LZTFL1: variants seen among roughly 807,000 people sequenced by gnomAD.
The protein encoded by LZTFL1 is leucine zipper transcription factor like 1.
LZTFL1 carries 25 observed loss-of-function variants against 45.9 expected under a neutral mutation model. The observed-to-expected ratio is 0.54, with a 90% CI of 0.40 to 0.76. The LOEUF is 0.76. LZTFL1 is among the 30% of genes least tolerant of loss of function. The pLI, the probability that LZTFL1 is intolerant of heterozygous loss-of-function variation, is 0.00. For synonymous variants in LZTFL1, 93 were observed against 117.4 expected (o/e 0.79, Z 1.35); for missense variants, 277 against 331.1 (o/e 0.84, Z 1.27).
chr3:45,897,756 C>T (rs1200921020), intron 2 of LZTFL1: 4 of 609,896 alleles, frequency 6.6e-6, no homozygotes, highest in Non-Finnish European at 2.8e-6. Flanking sequence ...CCTCCCTTGC[C>T]TTCTTCTTTC....
intron 4 of LZTFL1, among the ~76,000 whole-genome samples, chr3:45,850,331 G>A (rs983023595): frequency 6.6e-6 from 1 of 152,126 alleles, no homozygotes; most frequent in Non-Finnish European, 1.5e-5. Flanking sequence ...GTGAGTCGAT[G>A]GAAGGACATG....
At chr3:45,853,428 C>T (rs1701337534) in intron 4 of LZTFL1, among the ~76,000 whole-genome samples, 1 of 152,096 alleles carries the variant, frequency 6.6e-6, no homozygotes, top group Non-Finnish European at 1.5e-5. Context: ...GATTATCATT[C>T]GTGGTTTACT....
Position 45,913,183 on chromosome 3 carries a change from A to G in LZTFL1, c.-272-6T>C, listed in dbSNP as rs1347783255. The G allele has an allele frequency of 4.6e-6, 7 of 1,524,488 alleles. No homozygotes were observed. In the African/African-American group the frequency reaches 9.6e-5, roughly 21 times the overall value. 94.4% of individuals were successfully genotyped at this position (1,524,488 alleles called of 1,614,324 possible). ...GGCTGACTTACAGCAAGAGCCTAGAAAATTATACAATTACACAAATTAAAC... is the reference window on the plus strand; with the variant it reads ...GGCTGACTTACAGCAAGAGCCTAGAGAATTATACAATTACACAAATTAAAC... On this transcript the variant is annotated splice_region_variant and splice_polypyrimidine_tract_variant and intron_variant, in intron 1 of 4. Transcript: ENST00000472635.
chr3:45,863,108 C>T lies in LZTFL1; in HGVS notation c.-214-4092G>A, dbSNP rs184815292. Among the ~76,000 whole-genome samples, 1,233 of 152,280 alleles carry T rather than the reference C, an allele frequency of 8.1e-3. 13 individuals carry two copies. Among genetic ancestry groups the T allele is most frequent in the Non-Finnish European group, 0.013 (907 of 68,030 alleles). On this transcript the variant is annotated intron_variant, in intron 2 of 4. Transcript: ENST00000472635. ...TCCATAATGATACTCAAAAAGAATA[C>T]TGCCAGAAGAAACTCATTCGAGGCA... is the stretch of plus-strand genomic sequence containing the variant.
At chr3:45,838,471 A>T (rs1701020331) in intron 1 of LZTFL1, among the ~76,000 whole-genome samples, 1 of 152,224 alleles carries the variant, frequency 6.6e-6, no homozygotes, top group East Asian at 1.9e-4. Context: ...AACTGAGATG[A>T]GCAGTGAGAT....
Position 45,838,126 on chromosome 3 carries a change from A to G in LZTFL1, c.4-75T>C, listed in dbSNP as rs1465297977. On this transcript the variant is annotated intron_variant, in intron 1 of 9. Transcript: ENST00000296135. Reference sequence around the variant, plus strand: ...AGAGCCAACAATGAAAATGCATAAGATATCCTGTGGTCGAGACTGCTAGAT... The same window carrying G: ...AGAGCCAACAATGAAAATGCATAAGGTATCCTGTGGTCGAGACTGCTAGAT... 4.1e-6 allele frequency: 6 copies of G among 1,469,632 alleles called. No individual in the cohort carries two copies. In the Admixed American group the frequency reaches 1.3e-4, roughly 31 times the overall value. 91.0% of individuals were successfully genotyped at this position (1,469,632 alleles called of 1,614,324 possible).
At chr3:45,912,036 C>T (rs1702804043) in intron 2 of LZTFL1, among the ~76,000 whole-genome samples, 1 of 152,282 alleles carries the variant, frequency 6.6e-6, no homozygotes, top group African/African-American at 2.4e-5. Flanking sequence ...GCAGCCACTG[C>T]TGTGTCCAGC....
intron 4 of LZTFL1, among the ~76,000 whole-genome samples, chr3:45,847,863 T>A (rs1433915409): frequency 6.6e-6 from 1 of 152,208 alleles, no homozygotes; most frequent in Non-Finnish European, 1.5e-5. Context: ...TGTGGTATCT[T>A]TTTTCCCAGA....
chr3:45,901,401 G>A lies in LZTFL1; in HGVS notation c.-215+11719C>T, dbSNP rs201973846. 90 of 1,614,192 alleles carry A rather than the reference G, an allele frequency of 5.6e-5. No homozygotes were observed. The highest frequency in any genetic ancestry group is 2.8e-4 in the Admixed American group (17 of 60,026). The stretch of plus-strand genomic sequence containing the variant: ...TATCTGCACCATGGTTTACCCTAGC[G>A]ATGAGAGCACCAAACTGAAGTCAGC... On this transcript the variant is annotated intron_variant, in intron 2 of 4. Coordinates refer to the LZTFL1 transcript ENST00000472635. This position sits in a 1 kb window ranked among gnomAD's most constrained non-coding sequence, Gnocchi z 4.3.
At chr3:45,895,881 G>A (rs1702337209) in intron 2 of LZTFL1, among the ~76,000 whole-genome samples, 1 of 152,108 alleles carries the variant, frequency 6.6e-6, no homozygotes, top group Non-Finnish European at 1.5e-5. Context: ...TCTTCTCCAA[G>A]GGAAAGCCTG....
chr3:45,911,450 G>T (rs975590572), intron 2 of LZTFL1, among the ~76,000 whole-genome samples: 1 of 152,236 alleles, frequency 6.6e-6, no homozygotes, highest in Non-Finnish European at 1.5e-5. Context: ...TAAGTGACTT[G>T]TCCCAAGCCA....
At chr3:45,881,541 CA>C (rs1234445180) in intron 2 of LZTFL1, among the ~76,000 whole-genome samples, 2 of 152,168 alleles carry the variant, frequency 1.3e-5, no homozygotes, top group Non-Finnish European at 2.9e-5. Context: ...TCCTAGCTGA[CA>C]CCGCGACCTT....
intron 7 of LZTFL1, 64 bp downstream of exon 7, chr3:45,830,849 A>T: frequency 6.9e-7 from 1 of 1,452,662 alleles, no homozygotes; most frequent in Non-Finnish European, 9.6e-7. Context: ...CTAAGACTTA[A>T]TTTTAAGTTT....
intron 1 of LZTFL1, among the ~76,000 whole-genome samples, chr3:45,913,495 T>C (rs556418227): frequency 1.3e-5 from 2 of 152,356 alleles, no homozygotes; most frequent in Non-Finnish European, 2.9e-5. Context: ...ATGCATTACA[T>C]AAAATCTATC....
At chr3:45,880,325 A>G (rs2125725678) in intron 2 of LZTFL1, among the ~76,000 whole-genome samples, 1 of 152,226 alleles carries the variant, frequency 6.6e-6, no homozygotes, top group East Asian at 1.9e-4. Context: ...CACATGCTAA[A>G]ACCCCATCTC....
At chr3:45,905,322 T>G (rs1362663466) in intron 2 of LZTFL1, among the ~76,000 whole-genome samples, 2 of 152,240 alleles carry the variant, frequency 1.3e-5, no homozygotes, top group Non-Finnish European at 2.9e-5. Context: ...GAGCTAGTTC[T>G]CTAATCATTC....
chr3:45,900,796 G>A lies in LZTFL1; in HGVS notation c.-215+12324C>T, dbSNP rs1161393788. 3 of 1,598,748 alleles carry A rather than the reference G, an allele frequency of 1.9e-6. No individual in the cohort carries two copies. Among genetic ancestry groups the A allele is most frequent in the Non-Finnish European group, 2.6e-6 (3 of 1,170,510 alleles). On this transcript the variant is annotated intron_variant, in intron 2 of 4. Coordinates refer to the LZTFL1 transcript ENST00000472635. The surrounding 1 kb of genome is among the most constrained non-coding windows in gnomAD (Gnocchi z 4.7). ...ATTTTCCTTGACCTAATGCCATCTTGTGTCCCCTTGCAGAGCCCTATTCCT... is the reference window on the plus strand; with the variant it reads ...ATTTTCCTTGACCTAATGCCATCTTATGTCCCCTTGCAGAGCCCTATTCCT...
chr3:45,848,647 G>A (rs1021938596), intron 4 of LZTFL1, among the ~76,000 whole-genome samples: 8 of 152,198 alleles, frequency 5.3e-5, no homozygotes, highest in African/African-American at 1.9e-4. Flanking sequence ...AGTACAAAGT[G>A]TACTACAGTT....
Position 45,824,776 on chromosome 3 carries a change from GGA to G in LZTFL1, c.*1536_*1537del, listed in dbSNP as rs1700621572. On this transcript the variant is annotated 3_prime_UTR_variant, in exon 10 of 10. Coordinates refer to ENST00000296135, the MANE Select transcript of LZTFL1 (RefSeq NM_020347.4). ...TCCACAGACAATGGAATGGATTTTT[GGA>G]GAGAGTGTCAATTTAGGGCTAAAGA... 7.5e-6 allele frequency: 3 copies of G among 398,064 alleles called. No individual in the cohort carries two copies. The highest frequency in any genetic ancestry group is 2.6e-4 in the South Asian group (2 of 7,840). The allele number at this position is 398,064 out of a possible 1,614,324, so 24.7% of individuals were successfully genotyped here.
Sources: gnomAD v4.1 joint callset for allele counts (sites outside exome capture counted in the v4.1 genomes callset) on GRCh38, gnomAD v4.1.1 for gene constraint, Gnocchi (gnomAD v3.1) non-coding constraint, MANE v1.5 for transcripts, NCBI Gene and HGNC (gene_info 2026-07-23, HGNC 2026-07-21) for gene names.